The following SYNE2 variants were observed in gnomAD, a reference collection of about 807,000 sequenced individuals.
SYNE2 encodes the protein spectrin repeat containing nuclear envelope protein 2, also known as nesprin-2.
Under a neutral mutation model 856.3 loss-of-function variants are expected in SYNE2, and 431 were observed. The observed-to-expected ratio is 0.50, with a 90% confidence interval of 0.47 to 0.55. The LOEUF is 0.55. Among genes scored for constraint, SYNE2 ranks in the 20% least tolerant of loss-of-function variants. The pLI, the probability that SYNE2 is intolerant of heterozygous loss-of-function variation, is 0.00. For synonymous variants in SYNE2, 2,923 were observed against 2,872.3 expected (o/e 1.02, Z -0.56); for missense variants, 8,129 against 8,023.2 (o/e 1.01, Z -0.50).
chr14:63,844,199 A>G (rs775015038), intron 1 of SYNE2, among the ~76,000 whole-genome samples: 3 of 152,056 alleles, frequency 2.0e-5, no homozygotes, highest in Admixed American at 6.6e-5. Context: ...CATCCCCCCA[A>G]TCCTGACAAT....
intron 96 of SYNE2, 138 bp downstream of exon 96, chr14:64,177,621 T>A: frequency 8.9e-7 from 1 of 1,125,022 alleles, no homozygotes. Flanking sequence ...CTGTCTAACA[T>A]AACATGCTCG....
At chr14:63,813,346 T>C (rs1888693247) in intron 1 of SYNE2, among the ~76,000 whole-genome samples, 1 of 152,252 alleles carries the variant, frequency 6.6e-6, no homozygotes, top group Non-Finnish European at 1.5e-5. Flanking sequence ...TATCAAATAC[T>C]AGCCCTGTTC....
chr14:64,185,630 C>T (rs915141894), intron 96 of SYNE2, among the ~76,000 whole-genome samples: 1 of 151,040 alleles, frequency 6.6e-6, no homozygotes, highest in East Asian at 1.9e-4. Context: ...AAGCAATTCT[C>T]CTGCCTCAGC....
At chr14:64,168,243 A>C (rs1013462990) in intron 92 of SYNE2, among the ~76,000 whole-genome samples, 1 of 152,154 alleles carries the variant, frequency 6.6e-6, no homozygotes, top group Non-Finnish European at 1.5e-5. Flanking sequence ...AGCTGGGACT[A>C]TAGGCATGTG....
At chr14:64,169,050 G>A in intron 93 of SYNE2, 79 bp downstream of exon 93, 2 of 1,134,216 alleles carry the variant, frequency 1.8e-6, no homozygotes, top group African/African-American at 3.1e-5. Context: ...TCCACCATGT[G>A]AACCTTGACC....
At chr14:64,028,735 T>A (rs1475156053) in intron 43 of SYNE2, among the ~76,000 whole-genome samples, 1 of 152,192 alleles carries the variant, frequency 6.6e-6, no homozygotes, top group African/African-American at 2.4e-5. Context: ...GTGTCAATAT[T>A]ATCCATCCAT....
intron 30 of SYNE2, among the ~76,000 whole-genome samples, chr14:64,005,058 C>T (rs531276688): frequency 2.0e-5 from 3 of 152,102 alleles, no homozygotes; most frequent in East Asian, 1.9e-4. Context: ...GTACAAGGGT[C>T]GGGTGTGTTT....
At chr14:64,102,573 A>C (rs574504801) in intron 64 of SYNE2, among the ~76,000 whole-genome samples, 7 of 150,316 alleles carry the variant, frequency 4.7e-5, no homozygotes, top group Non-Finnish European at 8.8e-5. Context: ...CATGTTTTGA[A>C]ATGTGTATAC....
At chr14:63,807,571 A>G (rs554773003) in intron 1 of SYNE2, among the ~76,000 whole-genome samples, 6 of 151,798 alleles carry the variant, frequency 4.0e-5, no homozygotes, top group Non-Finnish European at 7.4e-5. Context: ...GTACACTTGT[A>G]TAAAACTAGA....
At position 63,977,970 on chromosome 14, in the gene SYNE2, T is replaced by C. The variant is rs377273531; in HGVS notation, c.1359T>C (p.Asn453=). ...ILLTFENKDE[N]HLPLVPPNKL... is the part of the protein sequence containing the mutation. Reference sequence around the variant, plus strand: ...TTACCTTTGAAAATAAGGATGAAAATCACTTGCCATTGGTACCACCTAACA... The same window carrying C: ...TTACCTTTGAAAATAAGGATGAAAACCACTTGCCATTGGTACCACCTAACA... Residue 453 remains asparagine, a synonymous_variant, in exon 13 of 116, where the codon AAT becomes AAC. Transcript: ENST00000555002. 342 of 1,613,788 alleles carry C rather than the reference T, an allele frequency of 2.1e-4. No individual in the cohort carries two copies. The highest frequency in any genetic ancestry group is 2.8e-4 in the Non-Finnish European group (326 of 1,179,862).
intron 8 of SYNE2, among the ~76,000 whole-genome samples, chr14:63,960,089 T>C (rs1406276323): frequency 6.6e-6 from 1 of 152,256 alleles, no homozygotes; most frequent in African/African-American, 2.4e-5. Flanking sequence ...ACGTGTGGCT[T>C]CGTATATAAT....
rs750925977 is a variant in SYNE2 at position 64,208,939 on chromosome 14, G to T, written c.18383G>T (p.Arg6128Leu). 6.2e-7 allele frequency: 1 copy of T among 1,613,676 alleles called. No individual in the cohort carries two copies. The highest frequency in any genetic ancestry group is 1.1e-5 in the South Asian group (1 of 90,988). ...ATTTGTGCCATGTCCATGGAGCGGCGCATGAAGTAAGAACTAAGCTCCCCC... is the reference window on the plus strand; with the variant it reads ...ATTTGTGCCATGTCCATGGAGCGGCTCATGAAGTAAGAACTAAGCTCCCCC... The part of the protein sequence containing the change: ...RNICAMSMER[R>L]MKIEETWRLW... The change falls in exon 101 of 116, where the codon CGC becomes CTC. Residue 6128 changes from arginine (R) to leucine (L), a missense_variant. This residue lies in a region of SYNE2 where 5,410 missense variants were observed against 5,284.8 expected (regional missense o/e 1.02). Coordinates refer to ENST00000555002, the MANE Select transcript of SYNE2 (RefSeq NM_182914.3).
In SYNE2 at chr14:64,223,171, C is replaced by T. The variant is rs2098702781; in HGVS notation, c.20191-18C>T. ...CCTTTGGACAGGTCACTGTTTCACACACTTTATCTGTTTTCAGCAACTGGA... is the reference window on the plus strand; with the variant it reads ...CCTTTGGACAGGTCACTGTTTCACATACTTTATCTGTTTTCAGCAACTGGA... On this transcript the variant is annotated intron_variant, in intron 112 of 115. Coordinates refer to ENST00000555002, the MANE Select transcript of SYNE2 (RefSeq NM_182914.3). 6 of 1,612,870 alleles carry T rather than the reference C, an allele frequency of 3.7e-6. No individual in the cohort carries two copies. Among genetic ancestry groups the T allele is most frequent in the Non-Finnish European group, 5.1e-6 (6 of 1,179,538 alleles).
At chr14:64,074,232 G>T in intron 53 of SYNE2, 96 bp downstream of exon 53, 1 of 1,292,112 alleles carries the variant, frequency 7.7e-7, no homozygotes, top group Middle Eastern at 1.8e-4. Flanking sequence ...GCTGGGTTTG[G>T]GGGAGCGGTC....
At position 63,919,972 on chromosome 14, in the gene SYNE2, G is replaced by GTTTTTTTTTTTTTTTTT. The variant is rs10673123; in HGVS notation, c.79+10748_79+10764dup. On this transcript the variant is annotated intron_variant, in intron 2 of 115. Transcript: ENST00000555002. ...ATATCAGGCACATGATAAAAGGTAAGTTTTTTTTTTTTTTTTTTTAAGGTA... is the reference window on the plus strand; with the variant it reads ...ATATCAGGCACATGATAAAAGGTAAGTTTTTTTTTTTTTTTTTTTTTTTTTTTTTTTTTTTTAAGGTA... 5.4e-3 allele frequency among the ~76,000 whole-genome samples: 600 copies of GTTTTTTTTTTTTTTTTT among 110,442 alleles called. 27 individuals carry two copies. Among genetic ancestry groups the GTTTTTTTTTTTTTTTTT allele is most frequent in the Middle Eastern group, 0.015 (3 of 194 alleles). The allele number at this position is 110,442 out of a possible 152,430, so 72.5% of individuals were successfully genotyped here.
intron 1 of SYNE2, among the ~76,000 whole-genome samples, chr14:63,883,822 G>T (rs1320335699): frequency 6.7e-6 from 1 of 149,794 alleles, no homozygotes; most frequent in African/African-American, 2.5e-5. Context: ...AAATATAAAT[G>T]TAGCCTTGGT....
At chr14:64,031,491 C>G (rs2097034320) in intron 45 of SYNE2, 134 bp downstream of exon 45, 1 of 810,176 alleles carries the variant, frequency 1.2e-6, no homozygotes, top group African/African-American at 1.7e-5. Context: ...TTTATGAAGC[C>G]TACTTGTAAA....
At chr14:64,004,612 G>T (rs1249591859) in intron 30 of SYNE2, among the ~76,000 whole-genome samples, 14 of 152,156 alleles carry the variant, frequency 9.2e-5, no homozygotes, top group Admixed American at 9.2e-4. Flanking sequence ...TTACAGGCGT[G>T]AGCCACCGCG....
At chr14:64,023,398 AC>A (rs1490210694) in intron 38 of SYNE2, 2 of 153,776 alleles carry the variant, frequency 1.3e-5, no homozygotes, top group African/African-American at 4.8e-5. Flanking sequence ...CTCTACTTTT[AC>A]ATATATTCTA....
Sources: gnomAD v4.1 joint callset for allele counts (sites outside exome capture counted in the v4.1 genomes callset) on GRCh38, gnomAD v4.1.1 for gene constraint, gnomAD v4.1.1 regional missense constraint, MANE v1.5 for transcripts, NCBI Gene and HGNC (gene_info 2026-07-23, HGNC 2026-07-21) for gene names.